Variants in DLG2 observed in about 807,000 individuals in gnomAD.
DLG2 encodes disks large homolog 2.
Under a neutral mutation model 132.5 loss-of-function variants are expected in DLG2, and 45 were observed. That is an observed-to-expected ratio of 0.34 (90% CI 0.27 to 0.44). The LOEUF (loss-of-function observed/expected upper bound fraction) is 0.44. Ranked by LOEUF, DLG2 falls within the 20% of genes least tolerant of loss-of-function variation. The pLI, the probability that DLG2 is intolerant of heterozygous loss-of-function variation, is 1.00. For missense variants in DLG2, 1,045 were observed against 1,196.9 expected (o/e 0.87, Z 1.87); for synonymous variants, 424 against 419.6 (o/e 1.01, Z -0.13).
intron 3 of DLG2, among the ~76,000 whole-genome samples, chr11:85,520,652 A>AT (rs891723937): frequency 2.0e-5 from 3 of 151,926 alleles, no homozygotes; most frequent in Admixed American, 6.6e-5. Context: ...TGGTATTGGC[A>AT]TAAAAAAAAA....
At chr11:83,576,854 A>G (rs2096881416) in intron 19 of DLG2, among the ~76,000 whole-genome samples, 1 of 152,206 alleles carries the variant, frequency 6.6e-6, no homozygotes, top group African/African-American at 2.4e-5. Flanking sequence ...TACCCTGGGA[A>G]TGGTAACTAT....
rs143037549 is a variant in DLG2, at chr11:85,470,925, T to A, written c.40+127732A>T. ...GATAAGACACAGAGACATTCAGGCA[T>A]TGTAAATCCAGACGCAACTGTCTTA... On this transcript the variant is annotated intron_variant, in intron 3 of 27. Transcript: ENST00000376104. Among the ~76,000 whole-genome samples the A allele has an allele frequency of 3.3e-3, 496 of 152,312 alleles. 3 individuals carry two copies. Among genetic ancestry groups the A allele is most frequent in the African/African-American group, 0.012 (478 of 41,564 alleles).
chr11:85,582,705 A>AAAAAAAAAAAAAAT (rs1565716140), intron 3 of DLG2, among the ~76,000 whole-genome samples: 1 of 138,290 alleles, frequency 7.2e-6, no homozygotes, highest in Non-Finnish European at 1.6e-5. Flanking sequence ...AAAAAAAAAA[A>AAAAAAAAAAAAAAT]CTCGTGCAGC....
chr11:84,094,212 C>A (rs533253648), intron 10 of DLG2, among the ~76,000 whole-genome samples: 2 of 152,146 alleles, frequency 1.3e-5, no homozygotes, highest in Admixed American at 6.5e-5. Flanking sequence ...CCTACCAGTT[C>A]CTCAATTTTC....
chr11:85,603,015 G>C (rs568722225), intron 2 of DLG2, among the ~76,000 whole-genome samples: 2 of 152,072 alleles, frequency 1.3e-5, no homozygotes, highest in Non-Finnish European at 2.9e-5. Context: ...AAGAGATGGA[G>C]GAGGACATTG....
intron 7 of DLG2, among the ~76,000 whole-genome samples, chr11:84,376,704 T>G (rs1235405945): frequency 1.3e-5 from 2 of 150,920 alleles, no homozygotes; most frequent in African/African-American, 4.9e-5. Context: ...AAAAACCTAA[T>G]GGAAAATTAA....
At chr11:84,837,529 C>A (rs1407101783) in intron 6 of DLG2, among the ~76,000 whole-genome samples, 2 of 151,780 alleles carry the variant, frequency 1.3e-5, no homozygotes, top group Non-Finnish European at 2.9e-5. Flanking sequence ...CCCTAAATCT[C>A]AACCTGCTTA....
In DLG2 at chr11:84,113,565, C is replaced by G. The variant is rs57304479; in HGVS notation, c.625-14518G>C. ...TAGAATTTGGAAACTTTGTATTCAC[C>G]ACCAATGAGCTGACAAGCTTTCTGA... On this transcript the variant is annotated intron_variant, in intron 9 of 27. Transcript: ENST00000376104. 2.3e-3 allele frequency among the ~76,000 whole-genome samples: 351 copies of G among 152,214 alleles called. 2 individuals carry two copies. The highest frequency in any genetic ancestry group is 8.1e-3 in the African/African-American group (336 of 41,542).
At chr11:85,228,094 A>G (rs2075082930) in intron 4 of DLG2, among the ~76,000 whole-genome samples, 1 of 151,980 alleles carries the variant, frequency 6.6e-6, no homozygotes, top group Non-Finnish European at 1.5e-5. Flanking sequence ...GGCACACTCC[A>G]TAATTATTTG....
intron 6 of DLG2, among the ~76,000 whole-genome samples, chr11:84,572,275 T>G (rs2099487179): frequency 6.6e-6 from 1 of 152,118 alleles, no homozygotes; most frequent in East Asian, 1.9e-4. Flanking sequence ...TACTTTCTAT[T>G]AAGAGGTGGT....
intron 6 of DLG2, among the ~76,000 whole-genome samples, chr11:84,783,384 C>A (rs1243784653): frequency 6.6e-6 from 1 of 152,158 alleles, no homozygotes; most frequent in African/African-American, 2.4e-5. Flanking sequence ...CCCTTAAATG[C>A]TAAATTCATT....
chr11:83,520,744 G>A (rs73522620), intron 21 of DLG2, among the ~76,000 whole-genome samples: 1,856 of 102,950 alleles, frequency 0.018, 32 homozygotes, highest in African/African-American at 0.057. Flanking sequence ...GATAGAGTGG[G>A]CTACACATGG....
intron 7 of DLG2, among the ~76,000 whole-genome samples, chr11:84,466,052 G>T (rs914146104): frequency 1.3e-5 from 2 of 151,134 alleles, no homozygotes; most frequent in Non-Finnish European, 3.0e-5. Flanking sequence ...TTTAGTGTAT[G>T]ATAAAGTTGA....
chr11:83,606,283 T>C (rs1402276245), intron 19 of DLG2, among the ~76,000 whole-genome samples: 1 of 152,198 alleles, frequency 6.6e-6, no homozygotes, highest in African/African-American at 2.4e-5. Context: ...ATACTATAGT[T>C]GTAGTCAGTA....
intron 6 of DLG2, among the ~76,000 whole-genome samples, chr11:84,824,440 T>C (rs1463140160): frequency 6.6e-6 from 1 of 151,956 alleles, no homozygotes; most frequent in African/African-American, 2.4e-5. Flanking sequence ...TTTACAAAGA[T>C]AAATTTCTTT....
At chr11:83,516,414 G>C (rs1235518031) in intron 21 of DLG2, among the ~76,000 whole-genome samples, 1 of 152,144 alleles carries the variant, frequency 6.6e-6, no homozygotes, top group African/African-American at 2.4e-5. Flanking sequence ...GAGCCTATGT[G>C]TGTCTCTGCA....
At chr11:84,308,739 T>C (rs1022241267) in intron 7 of DLG2, among the ~76,000 whole-genome samples, 1 of 152,128 alleles carries the variant, frequency 6.6e-6, no homozygotes. Flanking sequence ...GGGCCGGCAC[T>C]GCTGGGGGAC....
At chr11:85,353,702 G>T (rs1049306068) in intron 3 of DLG2, among the ~76,000 whole-genome samples, 1 of 152,086 alleles carries the variant, frequency 6.6e-6, no homozygotes, top group African/African-American at 2.4e-5. Flanking sequence ...CATGGATGAA[G>T]CTGGAAACCA....
intron 10 of DLG2, among the ~76,000 whole-genome samples, chr11:84,070,941 C>T (rs547331176): frequency 7.9e-4 from 120 of 152,272 alleles, no homozygotes; most frequent in African/African-American, 2.6e-3. Flanking sequence ...CATAGACAAC[C>T]CTTTACTTCA....
Sources: allele counts gnomAD v4.1 joint callset (sites outside exome capture counted in the v4.1 genomes callset), GRCh38; gene constraint gnomAD v4.1.1; transcripts MANE v1.5; gene names NCBI Gene and HGNC (gene_info 2026-07-23, HGNC 2026-07-21).